BRF1: variants seen among roughly 807,000 people sequenced by gnomAD.
BRF1 encodes the protein BRF1 general transcription factor IIIB subunit.
Under a neutral mutation model 81.7 loss-of-function variants are expected in BRF1, and 59 were observed. The observed-to-expected ratio is 0.72, with a 90% CI of 0.59 to 0.90. The LOEUF (loss-of-function observed/expected upper bound fraction) is 0.90. Among genes scored for constraint, BRF1 ranks in the 40% least tolerant of loss-of-function variants. The pLI is 0.00. For missense variants in BRF1, 1,050 were observed against 936.3 expected, an observed-to-expected ratio of 1.12 and a Z score of -1.58; for synonymous variants, 491 against 395.6, an observed-to-expected ratio of 1.24 and a Z score of -2.86.
At chr14:105,312,464 G>A (rs1264011918) in intron 1 of BRF1, among the ~76,000 whole-genome samples, 2 of 152,216 alleles carry the variant, frequency 1.3e-5, no homozygotes, top group African/African-American at 4.8e-5. Context: ...ACCGTGCCCA[G>A]CCACCCCAGT....
At chr14:105,278,663 T>C (rs2056943336) in intron 2 of BRF1, among the ~76,000 whole-genome samples, 1 of 151,876 alleles carries the variant, frequency 6.6e-6, no homozygotes, top group South Asian at 2.1e-4. Context: ...CCCAGCACTT[T>C]GGGAGGCTGA....
intron 7 of BRF1, among the ~76,000 whole-genome samples, 196 bp downstream of exon 7, chr14:105,228,624 A>G (rs2054199068): frequency 6.6e-6 from 1 of 151,640 alleles, no homozygotes. Flanking sequence ...ACTAGCAGGG[A>G]ACTCTCTGGA....
chr14:105,271,020 A>T lies in BRF1; in HGVS notation c.439+1701T>A, dbSNP rs1291955145. Among the ~76,000 whole-genome samples, 1 of 152,202 alleles carries T rather than the reference A, an allele frequency of 6.6e-6. No homozygotes were observed. Among genetic ancestry groups the T allele is most frequent in the Non-Finnish European group, 1.5e-5 (1 of 68,034 alleles). On this transcript the variant is annotated intron_variant, in intron 3 of 17. Coordinates refer to ENST00000547530, the MANE Select transcript of BRF1 (RefSeq NM_001519.4). The surrounding 1 kb of genome is among the most constrained non-coding windows in gnomAD (Gnocchi z 5.5). ...AAAGAGCTCAAGGTGAGAAGATGCC[A>T]CACTCAGGAAGACGGGAGATTATAA...
intron 5 of BRF1, among the ~76,000 whole-genome samples, chr14:105,243,074 C>G (rs587682816): frequency 6.6e-6 from 1 of 151,854 alleles, no homozygotes; most frequent in South Asian, 2.1e-4. Context: ...CAAGATCATG[C>G]CACTGCACTC....
At position 105,312,008 on chromosome 14, in the gene BRF1, C is replaced by T. The variant is rs587622691; in HGVS notation, c.-162+3314G>A. Among the ~76,000 whole-genome samples the T allele has an allele frequency of 1.1e-4, 16 of 152,338 alleles. No homozygotes were observed. In the East Asian group the frequency reaches 2.7e-3, roughly 26 times the overall value. On this transcript the variant is annotated intron_variant, in intron 1 of 17. Coordinates refer to the BRF1 transcript ENST00000327359. ...CTCCTGGCAGGAGAAGGAGTAGGGGCGCTGTGGGCTGGAGCCGCCAACTGA... is the reference window on the plus strand; with the variant it reads ...CTCCTGGCAGGAGAAGGAGTAGGGGTGCTGTGGGCTGGAGCCGCCAACTGA...
intron 5 of BRF1, chr14:105,241,939 C>T (rs371179600): frequency 2.5e-4 from 43 of 174,914 alleles, no homozygotes; most frequent in South Asian, 1.6e-3. Context: ...TCTGCCAGCA[C>T]GGCACAGTGC....
At chr14:105,293,843 CTTAG>C (rs1353511903) in intron 1 of BRF1, among the ~76,000 whole-genome samples, 6 of 152,206 alleles carry the variant, frequency 3.9e-5, no homozygotes, top group African/African-American at 1.4e-4. Flanking sequence ...GCCCTGATGC[CTTAG>C]TTAAATATTC....
intron 12 of BRF1, chr14:105,219,840 A>C: frequency 1.7e-6 from 1 of 586,114 alleles, no homozygotes; most frequent in South Asian, 2.0e-5. Flanking sequence ...CGCAAGGACC[A>C]GGCGCAAAGC....
intron 15 of BRF1, 125 bp from the exon 16 acceptor site, chr14:105,212,289 TG>T (rs1890242113): frequency 7.8e-7 from 1 of 1,289,244 alleles, no homozygotes; most frequent in South Asian, 1.4e-5. Context: ...TTTGGAAGCC[TG>T]GTTCTGCGTC....
intron 5 of BRF1, chr14:105,248,427 G>T: frequency 3.0e-6 from 3 of 985,330 alleles, no homozygotes; most frequent in Non-Finnish European, 3.6e-6. Flanking sequence ...TCTGCACAGC[G>T]CGCGGCTCGC....
At chr14:105,311,952 C>G (rs2058361424) in intron 1 of BRF1, among the ~76,000 whole-genome samples, 1 of 152,350 alleles carries the variant, frequency 6.6e-6, no homozygotes, top group South Asian at 2.1e-4. Flanking sequence ...GGGCAGGGAC[C>G]TGGCCACGTG....
At chr14:105,212,524 C>T (rs1276684434) in intron 15 of BRF1, 7 of 257,374 alleles carry the variant, frequency 2.7e-5, no homozygotes, top group East Asian at 1.9e-4. Flanking sequence ...CTGTCAGACC[C>T]GAGAGTGCTT....
intron 3 of BRF1, among the ~76,000 whole-genome samples, chr14:105,266,335 C>A (rs1289568992): frequency 2.0e-5 from 3 of 152,066 alleles, no homozygotes; most frequent in Non-Finnish European, 4.4e-5. Flanking sequence ...GTCGCCTGAG[C>A]CAGGGAGTTG....
At chr14:105,241,464 T>C (rs2054635256) in intron 5 of BRF1, 50 bp from the exon 6 acceptor site, 1 of 1,602,558 alleles carries the variant, frequency 6.2e-7, no homozygotes, top group Non-Finnish European at 8.5e-7. Context: ...CCATGGCACG[T>C]GCACAGGCGG....
intron 3 of BRF1, among the ~76,000 whole-genome samples, chr14:105,264,710 G>A (rs1036363586): frequency 7.4e-5 from 11 of 148,606 alleles, no homozygotes; most frequent in South Asian, 4.3e-4. Context: ...GTGTGGTGGC[G>A]CATACCTGTA....
At chr14:105,266,770 C>A (rs900733746) in intron 3 of BRF1, among the ~76,000 whole-genome samples, 2 of 151,880 alleles carry the variant, frequency 1.3e-5, no homozygotes, top group Non-Finnish European at 2.9e-5. Context: ...CAAGGCTGGG[C>A]GGGGGGTTCA....
chr14:105,211,167 C>A lies in BRF1; in HGVS notation c.1951G>T (p.Asp651Tyr), dbSNP rs1427007876. ...AGGGCACTGACGCAGGGCTCCCCGTCCTCCTCGTCAGGCTCCTCCTCGTCA... is the reference window on the plus strand; with the variant it reads ...AGGGCACTGACGCAGGGCTCCCCGTACTCCTCGTCAGGCTCCTCCTCGTCA... ...EADEEEPDEE[D>Y]GEPCVSALQM... Residue 651 changes from aspartate (D) to tyrosine (Y), a missense_variant, in exon 17 of 18, where the codon GAC (aspartate) becomes TAC (tyrosine). By Grantham distance (160) the Asp-to-Tyr change is radical. Coordinates refer to ENST00000547530, the MANE Select transcript of BRF1 (RefSeq NM_001519.4). 6.2e-7 allele frequency: 1 copy of A among 1,612,440 alleles called. No homozygotes were observed. Among genetic ancestry groups the A allele is most frequent in the Non-Finnish European group, 8.5e-7 (1 of 1,179,880 alleles).
chr14:105,286,409 A>C (rs759708531), intron 1 of BRF1, 33 bp from the exon 2 acceptor site: 8 of 1,593,968 alleles, frequency 5.0e-6, no homozygotes, highest in Non-Finnish European at 6.9e-6. Context: ...ATCAGCCAAA[A>C]CTTGGAGATC....
intron 7 of BRF1, 36 bp downstream of exon 7, chr14:105,228,784 T>C: frequency 1.9e-6 from 3 of 1,609,992 alleles, no homozygotes; most frequent in East Asian, 2.2e-5. Context: ...ATGAAGCCTC[T>C]GTGTGGTCCC....
Sources: allele counts gnomAD v4.1 joint callset (sites outside exome capture counted in the v4.1 genomes callset), GRCh38; gene constraint gnomAD v4.1.1; non-coding constraint Gnocchi (gnomAD v3.1); transcripts MANE v1.5; gene names NCBI Gene and HGNC (gene_info 2026-07-23, HGNC 2026-07-21).